The following PDE10A variants were observed in gnomAD, a reference collection of about 807,000 sequenced individuals.
The protein encoded by PDE10A is phosphodiesterase 10A, also known as cAMP and cAMP-inhibited cGMP 3',5'-cyclic phosphodiesterase 10A.
PDE10A carries 39 observed loss-of-function variants against 97.7 expected under a neutral mutation model. The ratio of observed to expected loss-of-function variants is 0.40; its 90% confidence interval spans 0.31 to 0.52. PDE10A has a LOEUF of 0.52. PDE10A is among the 20% of genes least tolerant of loss of function. The pLI is 0.56. For synonymous variants in PDE10A, 371 were observed against 376.8 expected (o/e 0.98, Z 0.18); for missense variants, 731 against 1,047.8 (o/e 0.70, Z 4.17).
chr6:165,481,920 T>G (rs1043539311), intron 3 of PDE10A, among the ~76,000 whole-genome samples: 1 of 152,216 alleles, frequency 6.6e-6, no homozygotes, highest in African/African-American at 2.4e-5. Context: ...TGGGGCTGCC[T>G]GGAGAGCATC....
intron 1 of PDE10A, among the ~76,000 whole-genome samples, chr6:165,584,301 T>G (rs924239653): frequency 8.5e-5 from 13 of 152,168 alleles, no homozygotes; most frequent in African/African-American, 2.7e-4. Flanking sequence ...CATACACATA[T>G]GTTCCTTCCT....
At chr6:165,391,385 A>C (rs935734730) in intron 16 of PDE10A, among the ~76,000 whole-genome samples, 1 of 152,120 alleles carries the variant, frequency 6.6e-6, no homozygotes, top group South Asian at 2.1e-4. Context: ...TAAATTTTCA[A>C]TTTTTTTGAA....
intron 1 of PDE10A, among the ~76,000 whole-genome samples, chr6:165,778,224 T>C (rs560674899): frequency 8.5e-5 from 13 of 152,088 alleles, no homozygotes; most frequent in Non-Finnish European, 1.8e-4. Flanking sequence ...GTGCCCACCA[T>C]CACGCCCGGC....
At chr6:165,659,626 T>G (rs906814407) in intron 1 of PDE10A, among the ~76,000 whole-genome samples, 7 of 152,232 alleles carry the variant, frequency 4.6e-5, no homozygotes, top group Non-Finnish European at 8.8e-5. Flanking sequence ...ATAAGACTGT[T>G]CTAACCTTTT....
chr6:165,725,532 GTTT>G (rs1318378501), intron 1 of PDE10A, among the ~76,000 whole-genome samples: 1 of 152,206 alleles, frequency 6.6e-6, no homozygotes, highest in Non-Finnish European at 1.5e-5. Flanking sequence ...AACTTTTCCC[GTTT>G]CAGTGGATCA....
At chr6:165,909,432 A>C (rs1782393572) in intron 1 of PDE10A, among the ~76,000 whole-genome samples, 5 of 152,232 alleles carry the variant, frequency 3.3e-5, no homozygotes, top group Non-Finnish European at 7.3e-5. Flanking sequence ...CGGACACCGT[A>C]GCTTAGGACA....
intron 1 of PDE10A, among the ~76,000 whole-genome samples, chr6:165,896,141 C>A (rs765429743): frequency 1.3e-5 from 2 of 152,108 alleles, no homozygotes; most frequent in Non-Finnish European, 2.9e-5. Flanking sequence ...CACAGCCCAG[C>A]GCCCACCCAA....
At chr6:165,794,496 ACACT>A (rs200020038) in intron 1 of PDE10A, among the ~76,000 whole-genome samples, 2,845 of 151,562 alleles carry the variant, frequency 0.019, 35 homozygotes, top group Middle Eastern at 0.085. Context: ...CACACACTAC[ACACT>A]CACATGCTCA....
At chr6:165,504,545 A>G (rs1035169552) in intron 2 of PDE10A, among the ~76,000 whole-genome samples, 1 of 152,142 alleles carries the variant, frequency 6.6e-6, no homozygotes, top group Admixed American at 6.6e-5. Flanking sequence ...GTGCTTAGAG[A>G]CAGTCATTCA....
intron 1 of PDE10A, among the ~76,000 whole-genome samples, chr6:165,909,878 C>T (rs954154125): frequency 6.6e-6 from 1 of 152,184 alleles, no homozygotes; most frequent in African/African-American, 2.4e-5. Context: ...ACCCAAACTT[C>T]TCCTCCAAAG....
chr6:165,788,410 G>A (rs1029505631), intron 1 of PDE10A, among the ~76,000 whole-genome samples: 3 of 151,108 alleles, frequency 2.0e-5, no homozygotes, highest in Non-Finnish European at 4.4e-5. Flanking sequence ...CCAGCTACTT[G>A]GGAGGCTGAG....
At chr6:165,506,482 T>C (rs1235703168) in intron 2 of PDE10A, among the ~76,000 whole-genome samples, 9 of 152,108 alleles carry the variant, frequency 5.9e-5, no homozygotes, top group Non-Finnish European at 4.4e-5. Context: ...TCACGTATAA[T>C]AGAAAATAAG....
At chr6:165,601,613 T>C (rs1332006518) in intron 1 of PDE10A, among the ~76,000 whole-genome samples, 2 of 152,196 alleles carry the variant, frequency 1.3e-5, no homozygotes, top group African/African-American at 4.8e-5. Flanking sequence ...AATCTTTAGA[T>C]GCCACAGCCC....
At chr6:165,688,601 G>C (rs1212739556) in intron 1 of PDE10A, among the ~76,000 whole-genome samples, 1 of 152,152 alleles carries the variant, frequency 6.6e-6, no homozygotes, top group Non-Finnish European at 1.5e-5. Flanking sequence ...GCAGTGGAAT[G>C]GACACGCATT....
rs1326249091 is a variant in PDE10A, at chr6:165,958,104, C to A, written c.-615+29425G>T. On this transcript the variant is annotated intron_variant, in intron 1 of 19. Transcript: ENST00000366882. The stretch of plus-strand genomic sequence containing the variant: ...CTCACACAGACGGTCTCCCACTTAG[C>A]AAGAGAGACAAAACATGGGATCCAC... Among the ~76,000 whole-genome samples, 3 of 152,170 alleles carry A rather than the reference C, an allele frequency of 2.0e-5. No homozygotes were observed. The East Asian group carries it at 5.8e-4, about 29-fold the overall frequency.
At chr6:165,807,102 G>A (rs994519778) in intron 1 of PDE10A, among the ~76,000 whole-genome samples, 1 of 152,130 alleles carries the variant, frequency 6.6e-6, no homozygotes, top group African/African-American at 2.4e-5. Flanking sequence ...CTCTCTACAC[G>A]TGAGAGAAAA....
intron 1 of PDE10A, among the ~76,000 whole-genome samples, chr6:165,817,559 C>T (rs1779452851): frequency 6.6e-6 from 1 of 152,120 alleles, no homozygotes; most frequent in Admixed American, 6.5e-5. Context: ...GGTGTCTTGA[C>T]ATGTTTCTAC....
chr6:165,959,911 C>T (rs1279453750), intron 1 of PDE10A, among the ~76,000 whole-genome samples: 1 of 152,162 alleles, frequency 6.6e-6, no homozygotes, highest in African/African-American at 2.4e-5. Context: ...GAGGGGAACA[C>T]ACCCAGAGGC....
chr6:165,829,328 C>T (rs1779845923), intron 1 of PDE10A, among the ~76,000 whole-genome samples: 2 of 152,246 alleles, frequency 1.3e-5, no homozygotes. Context: ...TTAAGGGGCT[C>T]ATGATCTCAT....
Sources: gnomAD v4.1 joint callset for allele counts (sites outside exome capture counted in the v4.1 genomes callset) on GRCh38, gnomAD v4.1.1 for gene constraint, MANE v1.5 for transcripts, NCBI Gene and HGNC (gene_info 2026-07-23, HGNC 2026-07-21) for gene names.